RBM18: variants seen among roughly 807,000 people sequenced by gnomAD.
The protein encoded by RBM18 is probable RNA-binding protein 18.
Under a neutral mutation model 26.4 loss-of-function variants are expected in RBM18, and 18 were observed. The ratio of observed to expected loss-of-function variants is 0.68; its 90% CI spans 0.47 to 1.01. RBM18 has a LOEUF of 1.01. Ranked by LOEUF, RBM18 falls within the 50% of genes least tolerant of loss-of-function variation. The probability of loss-of-function intolerance (pLI) is 0.00; values close to 1 mark genes in which losing one functional copy is unlikely to be tolerated. For missense variants in RBM18, 180 were observed against 219.2 expected, an observed-to-expected ratio of 0.82 and a Z score of 1.13; for synonymous variants, 74 against 81.1, an observed-to-expected ratio of 0.91 and a Z score of 0.47.
chr9:122,245,373 A>G, intron 4 of RBM18, 32 bp from the exon 5 acceptor site: 13 of 1,403,866 alleles, frequency 9.3e-6, no homozygotes, highest in Non-Finnish European at 1.3e-5. Context: ...ATTACTTCAC[A>G]TGGGCAGAAA....
At chr9:122,254,071 A>C (rs11999923) in intron 2 of RBM18, among the ~76,000 whole-genome samples, 5,796 of 151,910 alleles carry the variant, frequency 0.038, 378 homozygotes, top group African/African-American at 0.13. Context: ...CACACACACA[A>C]AAAAAACAAA....
At chr9:122,260,611 C>T (rs1831776976) in intron 2 of RBM18, among the ~76,000 whole-genome samples, 1 of 152,132 alleles carries the variant, frequency 6.6e-6, no homozygotes, top group African/African-American at 2.4e-5. Context: ...GACTTGGTTT[C>T]CTCTATGTAG....
intron 3 of RBM18, among the ~76,000 whole-genome samples, chr9:122,249,767 G>T (rs1831567950): frequency 6.6e-6 from 1 of 150,774 alleles, no homozygotes; most frequent in Admixed American, 6.6e-5. Context: ...CATTAAGAAA[G>T]AATAAAATAT....
rs2118941074 is a variant in RBM18 at position 122,237,741 on chromosome 9, G to C, written c.*4143C>G. On this transcript the variant is annotated 3_prime_UTR_variant, in exon 6 of 6. Coordinates refer to ENST00000417201, the MANE Select transcript of RBM18 (RefSeq NM_033117.4). ...GAGTAGGGTTTGGCAAATTTTTCCT[G>C]TAAAGGGACCGATAGTATATATTTC... 1 of 152,294 alleles carries C rather than the reference G, an allele frequency of 6.6e-6. No individual in the cohort carries two copies. The highest frequency in any genetic ancestry group is 2.1e-4 in the South Asian group (1 of 4,828). 9.4% of individuals were successfully genotyped at this position (152,294 alleles called of 1,614,324 possible). A position where few individuals can be genotyped will look rare whatever the true frequency, so the allele number is the denominator to read the frequency against.
Position 122,245,336 on chromosome 9 carries a change from A to C in RBM18, c.333T>G (p.Tyr111Ter), listed in dbSNP as rs770931126. The C allele has an allele frequency of 6.2e-7, 1 of 1,601,308 alleles. No individual in the cohort carries two copies. The highest frequency in any genetic ancestry group is 8.6e-7 in the Non-Finnish European group (1 of 1,168,694). The change falls in exon 5 of 6, where the codon TAT (tyrosine) becomes TAG (stop). Residue 111 changes from tyrosine (Y) to a stop codon, truncating the protein, a stop_gained. Coordinates refer to ENST00000417201, the MANE Select transcript of RBM18 (RefSeq NM_033117.4). LOFTEE classifies it high-confidence loss of function. ...GAATCTTATCATTCTTGTTATGATC[A>C]TATCTCTGAAAATGAGAAATAGAGA... ...VRWAHAQVKR[Y>*]DHNKNDKILP...
Position 122,247,551 on chromosome 9 carries a change from C to T in RBM18, c.294G>A (p.Lys98=). Reference sequence around the variant, plus strand: ...GAGCATGTGCCCATCGCACCACCAGCTTCTTGGACAGGGCCAACTTGCCAT... The same window carrying T: ...GAGCATGTGCCCATCGCACCACCAGTTTCTTGGACAGGGCCAACTTGCCAT... ...CLNGKLALSK[K]LVVRWAHAQV... Residue 98 remains lysine, a synonymous_variant, in exon 4 of 6, where the codon AAG becomes AAA. Transcript: ENST00000417201. 6.2e-7 allele frequency: 1 copy of T among 1,614,070 alleles called. No individual in the cohort carries two copies. The highest frequency in any genetic ancestry group is 8.5e-7 in the Non-Finnish European group (1 of 1,180,016).
chr9:122,255,686 A>G (rs975293244), intron 2 of RBM18, among the ~76,000 whole-genome samples: 1 of 152,086 alleles, frequency 6.6e-6, no homozygotes, highest in Non-Finnish European at 1.5e-5. Context: ...CACTGTCTCT[A>G]TCTAGGTGAT....
At chr9:122,251,214 G>A (rs141944848) in intron 3 of RBM18, among the ~76,000 whole-genome samples, 100 of 152,180 alleles carry the variant, frequency 6.6e-4, no homozygotes, top group African/African-American at 1.9e-3. Context: ...TTAATATAAC[G>A]TTAACTATGC....
rs141894632 is a variant in RBM18 at position 122,257,254 on chromosome 9, G to A, written c.113+4126C>T. On this transcript the variant is annotated intron_variant, in intron 2 of 5. Transcript: ENST00000417201. ...CCTCCCGGGTTCACGCCATTCTCCT[G>A]CCTCAGCCTCCTGAGTAGCTGGGAC... 8.6e-3 allele frequency among the ~76,000 whole-genome samples: 1,302 copies of A among 152,196 alleles called. 20 individuals carry two copies. The highest frequency in any genetic ancestry group is 0.031 in the African/African-American group (1,270 of 41,512).
intron 3 of RBM18, 93 bp downstream of exon 3, chr9:122,251,754 C>T (rs1831609019): frequency 1.7e-6 from 2 of 1,186,126 alleles, no homozygotes; most frequent in African/African-American, 1.5e-5. Context: ...CTCCTGCCTA[C>T]AGGGAACTGC....
At chr9:122,249,878 C>T (rs1831570078) in intron 3 of RBM18, among the ~76,000 whole-genome samples, 1 of 151,714 alleles carries the variant, frequency 6.6e-6, no homozygotes, top group South Asian at 2.1e-4. Flanking sequence ...TGAGGCCAGC[C>T]TGGGCAACAT....
chr9:122,242,866 C>A (rs189707985), intron 5 of RBM18, among the ~76,000 whole-genome samples: 6 of 151,970 alleles, frequency 3.9e-5, no homozygotes, highest in East Asian at 3.9e-4. Context: ...CTCGCTGTGT[C>A]GTCAGGCTGG....
chr9:122,242,022 G>A lies in RBM18; in HGVS notation c.435C>T (p.Ala145=), dbSNP rs370380970. ...SNLSVTAKIK[A]IEAKLKMMAE... ...CCATCATTTTCAGTTTTGCTTCAAT[G>A]GCTTTTATCTTTGCAGTGACACTGG... is the stretch of plus-strand genomic sequence containing the variant. The change falls in exon 6 of 6, where the codon GCC becomes GCT. Residue 145 remains alanine, a synonymous_variant. Transcript: ENST00000417201. 11 of 1,613,812 alleles carry A rather than the reference G, an allele frequency of 6.8e-6. No individual in the cohort carries two copies. Among genetic ancestry groups the A allele is most frequent in the African/African-American group, 5.3e-5 (4 of 74,868 alleles).
In RBM18 at chr9:122,238,109, T is replaced by C. The variant is rs1412996926; in HGVS notation, c.*3775A>G. The C allele has an allele frequency of 6.6e-6, 1 of 152,204 alleles. No individual in the cohort carries two copies. Among genetic ancestry groups the C allele is most frequent in the Non-Finnish European group, 1.5e-5 (1 of 68,040 alleles). The allele number at this position is 152,204 out of a possible 1,614,324, so 9.4% of individuals were successfully genotyped here. The stretch of plus-strand genomic sequence containing the variant: ...AGGTGACCCTGGCCAAATCGCTTTG[T>C]CTCTCTGGGTTCCCGTTTTCCCCAT... On this transcript the variant is annotated 3_prime_UTR_variant, in exon 6 of 6. Transcript: ENST00000417201.
chr9:122,254,222 A>G (rs1223788802), intron 2 of RBM18: 4 of 345,044 alleles, frequency 1.2e-5, no homozygotes, highest in African/African-American at 8.8e-5. Flanking sequence ...CACACCAACA[A>G]AAGATTACTC....
At chr9:122,259,376 A>G (rs1433529999) in intron 2 of RBM18, among the ~76,000 whole-genome samples, 1 of 152,100 alleles carries the variant, frequency 6.6e-6, no homozygotes, top group Non-Finnish European at 1.5e-5. Context: ...GATGGAAAAA[A>G]TTTCTTTGAT....
chr9:122,261,370 T>G lies in RBM18; in HGVS notation c.113+10A>C, dbSNP rs1464846971. The G allele has an allele frequency of 6.3e-7, 1 of 1,590,036 alleles. No homozygotes were observed. The highest frequency in any genetic ancestry group is 2.2e-5 in the East Asian group (1 of 44,756). ...ATTGTAGGTAAAAAACTAAGGTAAC[T>G]TAGACTTACTCGGTAATTTTGGGGT... On this transcript the variant is annotated intron_variant, in intron 2 of 5. Coordinates refer to ENST00000417201, the MANE Select transcript of RBM18 (RefSeq NM_033117.4).
chr9:122,244,635 T>C (rs559717574), intron 5 of RBM18, among the ~76,000 whole-genome samples: 2 of 152,342 alleles, frequency 1.3e-5, no homozygotes, highest in East Asian at 1.9e-4. Flanking sequence ...GCTATTGTTA[T>C]TGTTATTGCT....
chr9:122,260,448 C>G (rs1390314715), intron 2 of RBM18, among the ~76,000 whole-genome samples: 1 of 152,204 alleles, frequency 6.6e-6, no homozygotes, highest in Non-Finnish European at 1.5e-5. Flanking sequence ...CCACCACCCT[C>G]CCTCTATCAA....
Sources: gnomAD v4.1 joint callset for allele counts (sites outside exome capture counted in the v4.1 genomes callset) on GRCh38, gnomAD v4.1.1 for gene constraint, MANE v1.5 for transcripts, NCBI Gene and HGNC (gene_info 2026-07-23, HGNC 2026-07-21) for gene names.